Variants in SLC45A4 observed in about 807,000 individuals in gnomAD.
SLC45A4 encodes the protein polyamine-transporter SLC45A4.
In SLC45A4, 32 loss-of-function variants were observed where a neutral mutation model predicts 63.7. The ratio of observed to expected loss-of-function variants is 0.50; its 90% CI spans 0.38 to 0.67. The LOEUF is 0.67. SLC45A4 is among the 30% of genes least tolerant of loss of function. The pLI is 0.00. For synonymous variants in SLC45A4, 535 were observed against 510.0 expected, an observed-to-expected ratio of 1.05 and a Z score of -0.66; for missense variants, 1,027 against 1,157.7, an observed-to-expected ratio of 0.89 and a Z score of 1.64.
intron 2 of SLC45A4, among the ~76,000 whole-genome samples, chr8:141,236,501 G>A (rs1827631599): frequency 6.6e-6 from 1 of 152,176 alleles, no homozygotes; most frequent in Non-Finnish European, 1.5e-5. Context: ...ACTTTAAAAA[G>A]GGGGCAAACA....
intron 2 of SLC45A4, among the ~76,000 whole-genome samples, chr8:141,236,299 C>T (rs1233520516): frequency 6.6e-6 from 1 of 152,198 alleles, no homozygotes; most frequent in African/African-American, 2.4e-5. Flanking sequence ...CTCGCCCAGC[C>T]CTGACTGCCT....
Position 141,208,749 on chromosome 8 carries a change from G to A in SLC45A4, c.*2823C>T, listed in dbSNP as rs982546192. On this transcript the variant is annotated 3_prime_UTR_variant, in exon 9 of 9. Transcript: ENST00000517878. ...CCAGGAAAGGGGACACAGGCAGGCC[G>A]GCCCAGCTGAGAGCTCACGGCCTCT... 4 of 152,226 alleles carry A rather than the reference G, an allele frequency of 2.6e-5. No homozygotes were observed. Among genetic ancestry groups the A allele is most frequent in the Non-Finnish European group, 4.4e-5 (3 of 68,064 alleles). 9.4% of individuals were successfully genotyped at this position (152,226 alleles called of 1,614,324 possible).
intron 1 of SLC45A4, among the ~76,000 whole-genome samples, chr8:141,265,638 A>T (rs189946066): frequency 1.3e-5 from 2 of 152,304 alleles, no homozygotes; most frequent in Non-Finnish European, 2.9e-5. Flanking sequence ...CACTGAACCC[A>T]TTTAAGGGAG....
At chr8:141,279,763 C>T (rs998952580) in intron 1 of SLC45A4, among the ~76,000 whole-genome samples, 2 of 152,222 alleles carry the variant, frequency 1.3e-5, no homozygotes, top group African/African-American at 4.8e-5. Flanking sequence ...ATTCCATCTG[C>T]GAACAAAAAC....
At chr8:141,211,923 A>T in intron 8 of SLC45A4, 1 of 1,256,418 alleles carries the variant, frequency 8.0e-7, no homozygotes, top group Non-Finnish European at 1.0e-6. Flanking sequence ...GCTGAAATTA[A>T]AATATCTTTT....
chr8:141,265,624 G>T (rs1027240142), intron 1 of SLC45A4, among the ~76,000 whole-genome samples: 1 of 152,146 alleles, frequency 6.6e-6, no homozygotes, highest in South Asian at 2.1e-4. Context: ...GAGGCATGAC[G>T]TCACACTGAA....
At chr8:141,296,537 A>AT (rs1830558404) in intron 1 of SLC45A4, among the ~76,000 whole-genome samples, 1 of 43,264 alleles carries the variant, frequency 2.3e-5, no homozygotes, top group Non-Finnish European at 7.7e-5. Context: ...TAAAATTAAA[A>AT]TTAAAAAAAA....
intron 2 of SLC45A4, among the ~76,000 whole-genome samples, chr8:141,238,897 G>A (rs1827759500): frequency 2.0e-5 from 3 of 152,210 alleles, no homozygotes; most frequent in African/African-American, 7.2e-5. Flanking sequence ...ACTGTGGGAG[G>A]TGCTATGAAG....
chr8:141,301,464 C>T (rs951856702), intron 1 of SLC45A4, among the ~76,000 whole-genome samples: 1 of 151,890 alleles, frequency 6.6e-6, no homozygotes, highest in Non-Finnish European at 1.5e-5. Context: ...GTCCATAGGT[C>T]GGGTGCAGTG....
intron 2 of SLC45A4, among the ~76,000 whole-genome samples, chr8:141,236,058 C>A (rs1397324920): frequency 6.6e-6 from 1 of 152,124 alleles, no homozygotes; most frequent in Non-Finnish European, 1.5e-5. Flanking sequence ...GAGCCGAGAT[C>A]ACGCCACTGC....
At chr8:141,307,937 TC>T (rs1830952148) in intron 1 of SLC45A4, among the ~76,000 whole-genome samples, 158 bp downstream of exon 1, 1 of 129,304 alleles carries the variant, frequency 7.7e-6, no homozygotes, top group African/African-American at 3.0e-5. Flanking sequence ...GCACGTCCCC[TC>T]CCCCGGAGAA....
chr8:141,285,958 C>T (rs1464224653), intron 1 of SLC45A4, among the ~76,000 whole-genome samples: 1 of 152,204 alleles, frequency 6.6e-6, no homozygotes, highest in African/African-American at 2.4e-5. Flanking sequence ...TCAGGAGAAC[C>T]AGCAGCGTGA....
chr8:141,305,829 T>C lies in SLC45A4; in HGVS notation c.-401+2267A>G, dbSNP rs372439406. ...CTCCTGACAACACAGATACAATCCA[T>C]TCACCACCAAGCAACCTCAAGATTG... On this transcript the variant is annotated intron_variant, in intron 1 of 8. Coordinates refer to ENST00000517878, the MANE Select transcript of SLC45A4 (RefSeq NM_001286646.2). Among the ~76,000 whole-genome samples, 4 of 152,244 alleles carry C rather than the reference T, an allele frequency of 2.6e-5. No homozygotes were observed. The South Asian group carries it at 6.2e-4, about 24-fold the overall frequency.
At chr8:141,260,002 G>A (rs1448906580) in intron 1 of SLC45A4, among the ~76,000 whole-genome samples, 2 of 152,184 alleles carry the variant, frequency 1.3e-5, no homozygotes, top group Non-Finnish European at 2.9e-5. Context: ...CCAGCCACCG[G>A]CTTATGCGTC....
chr8:141,212,176 A>C (rs374431280), intron 8 of SLC45A4, 21 bp downstream of exon 8: 3 of 827,568 alleles, frequency 3.6e-6, no homozygotes, highest in African/African-American at 2.2e-5. Context: ...GAATGTGTGT[A>C]AACGGGAGTG....
chr8:141,302,405 C>G (rs1830776574), intron 1 of SLC45A4, among the ~76,000 whole-genome samples: 1 of 151,280 alleles, frequency 6.6e-6, no homozygotes. Context: ...CCCTCCCTCC[C>G]CCCGACCCCA....
chr8:141,281,951 T>C (rs1333886161), intron 1 of SLC45A4, among the ~76,000 whole-genome samples: 1 of 152,036 alleles, frequency 6.6e-6, no homozygotes, highest in African/African-American at 2.4e-5. Flanking sequence ...GGACGCGTGG[T>C]GGCTCCTGCC....
intron 2 of SLC45A4, among the ~76,000 whole-genome samples, chr8:141,242,882 G>A (rs914941854): frequency 9.2e-5 from 14 of 152,178 alleles, no homozygotes; most frequent in African/African-American, 3.4e-4. Context: ...CCCAGGCCAC[G>A]CAATGTGGTA....
chr8:141,272,462 G>A (rs752190377), intron 1 of SLC45A4, among the ~76,000 whole-genome samples: 2 of 152,196 alleles, frequency 1.3e-5, no homozygotes, highest in Non-Finnish European at 2.9e-5. Context: ...GGAGGGTCGT[G>A]ACTGGTTTCA....
Sources: allele counts gnomAD v4.1 joint callset (sites outside exome capture counted in the v4.1 genomes callset), GRCh38; gene constraint gnomAD v4.1.1; transcripts MANE v1.5; gene names NCBI Gene and HGNC (gene_info 2026-07-23, HGNC 2026-07-21).